Variants in PPP1R1C observed in about 807,000 individuals in gnomAD.
The protein encoded by PPP1R1C is protein phosphatase 1 regulatory inhibitor subunit 1C, also known as protein phosphatase 1 regulatory subunit 1C.
PPP1R1C carries 15 observed loss-of-function variants against 17.4 expected under a neutral mutation model. The observed-to-expected ratio is 0.86, with a 90% CI of 0.58 to 1.33. The LOEUF (loss-of-function observed/expected upper bound fraction) is 1.33. Ranked by LOEUF, PPP1R1C falls within the 40% of genes most tolerant of loss-of-function variation. The probability of loss-of-function intolerance (pLI) is 0.00; values close to 1 mark genes in which losing one functional copy is unlikely to be tolerated. For missense variants in PPP1R1C, 143 were observed against 130.0 expected (o/e 1.10, Z -0.48); for synonymous variants, 35 against 43.1 (o/e 0.81, Z 0.73).
intron 1 of PPP1R1C, among the ~76,000 whole-genome samples, 163 bp downstream of exon 1, chr2:181,986,354 A>G (rs1367579173): frequency 6.6e-6 from 1 of 152,206 alleles, no homozygotes; most frequent in Non-Finnish European, 1.5e-5. Flanking sequence ...TTGTATTTAA[A>G]TTGCATTGGG....
At chr2:182,123,011 C>A (rs1689771828) in intron 5 of PPP1R1C, among the ~76,000 whole-genome samples, 1 of 152,144 alleles carries the variant, frequency 6.6e-6, no homozygotes, top group Non-Finnish European at 1.5e-5. Flanking sequence ...CTCTAGCCCC[C>A]CGCCTTGACA....
chr2:182,084,279 C>T (rs1164506404), intron 4 of PPP1R1C, among the ~76,000 whole-genome samples: 1 of 151,704 alleles, frequency 6.6e-6, no homozygotes, highest in African/African-American at 2.4e-5. Context: ...TAATTAGGTC[C>T]CGTTTATTTA....
At chr2:181,989,608 T>C (rs1205885671) in intron 2 of PPP1R1C, among the ~76,000 whole-genome samples, 2 of 152,184 alleles carry the variant, frequency 1.3e-5, no homozygotes, top group East Asian at 3.9e-4. Context: ...ATTAAGGAAT[T>C]GTACTTAAAT....
intron 4 of PPP1R1C, among the ~76,000 whole-genome samples, chr2:182,099,845 C>G (rs546176501): frequency 6.6e-6 from 1 of 152,208 alleles, no homozygotes; most frequent in South Asian, 2.1e-4. Flanking sequence ...ATGCTTAGGG[C>G]TTTGTAGTAT....
chr2:182,039,038 GT>G (rs1305947777), intron 2 of PPP1R1C, among the ~76,000 whole-genome samples: 1 of 152,158 alleles, frequency 6.6e-6, no homozygotes, highest in Non-Finnish European at 1.5e-5. Flanking sequence ...TTGAGTACGA[GT>G]TTGGAGTAGA....
At chr2:182,080,034 G>A (rs1383385266) in intron 4 of PPP1R1C, among the ~76,000 whole-genome samples, 1 of 152,210 alleles carries the variant, frequency 6.6e-6, no homozygotes, top group Non-Finnish European at 1.5e-5. Flanking sequence ...AAGTGGACAT[G>A]AATTTTTGGA....
At chr2:182,020,132 C>T (rs1331031364) in intron 2 of PPP1R1C, among the ~76,000 whole-genome samples, 1 of 152,192 alleles carries the variant, frequency 6.6e-6, no homozygotes, top group African/African-American at 2.4e-5. Context: ...ATTTAAAGGA[C>T]TACAGTGCCC....
intron 2 of PPP1R1C, among the ~76,000 whole-genome samples, chr2:181,998,897 A>G (rs1685686435): frequency 6.6e-6 from 1 of 152,200 alleles, no homozygotes; most frequent in African/African-American, 2.4e-5. Context: ...AGACCCACTC[A>G]CCATCACATT....
At chr2:182,024,018 T>C (rs1686514569) in intron 2 of PPP1R1C, 1 of 152,178 alleles carries the variant, frequency 6.6e-6, no homozygotes, top group South Asian at 2.1e-4. Flanking sequence ...TTACAGAATA[T>C]GGTAGGAGCA....
chr2:182,071,839 C>T (rs1355652686), intron 4 of PPP1R1C, among the ~76,000 whole-genome samples: 2 of 152,138 alleles, frequency 1.3e-5, no homozygotes, highest in African/African-American at 4.8e-5. Context: ...TCCATTGACT[C>T]CTGTGTCCCA....
intron 2 of PPP1R1C, among the ~76,000 whole-genome samples, chr2:182,028,545 G>A (rs1686701087): frequency 6.6e-6 from 1 of 152,102 alleles, no homozygotes; most frequent in Non-Finnish European, 1.5e-5. Flanking sequence ...TTAATCCTGA[G>A]TTCTAGTTTG....
Position 181,957,216 on chromosome 2 carries a change from C to T in PPP1R1C, n.111+2582C>T, listed in dbSNP as rs572337654. On this transcript the variant is annotated intron_variant and non_coding_transcript_variant, in intron 1 of 5. Transcript: ENST00000464264. This position sits in a 1 kb window ranked among gnomAD's most constrained non-coding sequence, Gnocchi z 4.2. ...CTCTACCAAAAATACAAAAATTAGC[C>T]AGGCATGGTAGTGCACCCCTGTAAT... 1.3e-5 allele frequency among the ~76,000 whole-genome samples: 2 copies of T among 152,216 alleles called. No individual in the cohort carries two copies. The highest frequency in any genetic ancestry group is 1.3e-4 in the Admixed American group (2 of 15,298).
intron 4 of PPP1R1C, among the ~76,000 whole-genome samples, chr2:182,083,779 C>T (rs1394946127): frequency 6.6e-6 from 1 of 152,052 alleles, no homozygotes; most frequent in Non-Finnish European, 1.5e-5. Flanking sequence ...GGGTAGATAA[C>T]CATCAGTGAG....
chr2:182,069,275 T>C (rs1001399283), intron 4 of PPP1R1C, among the ~76,000 whole-genome samples: 13 of 139,330 alleles, frequency 9.3e-5, no homozygotes, highest in Admixed American at 5.8e-4. Context: ...TCTCGCTTTC[T>C]TTTTTTTTTT....
At chr2:182,003,842 GT>G in intron 2 of PPP1R1C, among the ~76,000 whole-genome samples, 1 of 152,078 alleles carries the variant, frequency 6.6e-6, no homozygotes, top group East Asian at 1.9e-4. Flanking sequence ...GAAATAGATT[GT>G]TTCATAAACA....
intron 2 of PPP1R1C, among the ~76,000 whole-genome samples, chr2:182,014,570 C>T (rs888753526): frequency 6.6e-6 from 1 of 152,038 alleles, no homozygotes; most frequent in Non-Finnish European, 1.5e-5. Context: ...ACTCAAGGCC[C>T]AAGGGCTCTT....
In PPP1R1C at chr2:182,126,976, G is replaced by C. The variant is rs1267873386; in HGVS notation, c.*7-1998G>C. 2.0e-5 allele frequency among the ~76,000 whole-genome samples: 3 copies of C among 151,970 alleles called. No individual in the cohort carries two copies. The East Asian group carries it at 5.8e-4, about 29-fold the overall frequency. Reference sequence around the variant, plus strand: ...TACGCTATAAACATGACTTAACAGGGTTTTCCCTTTTCTCTGAATTTCAGT... The same window carrying C: ...TACGCTATAAACATGACTTAACAGGCTTTTCCCTTTTCTCTGAATTTCAGT... On this transcript the variant is annotated intron_variant, in intron 5 of 5. Transcript: ENST00000280295.
intron 4 of PPP1R1C, among the ~76,000 whole-genome samples, chr2:182,086,192 A>G (rs1014487619): frequency 4.6e-5 from 7 of 152,170 alleles, no homozygotes; most frequent in Admixed American, 3.9e-4. Context: ...TGTTATCATC[A>G]TTATATCAAG....
In PPP1R1C at chr2:182,061,468, A is replaced by T. The variant is rs772951743; in HGVS notation, c.169A>T (p.Thr57Ser). Reference sequence around the variant, plus strand: ...AATAGATGACAAGAGGGGGCCCAACACACAAGGGGAAGTAAGTTTTTAAAA... The same window carrying T: ...AATAGATGACAAGAGGGGGCCCAACTCACAAGGGGAAGTAAGTTTTTAAAA... ...PEIDDKRGPNTQGELQNASPK... is the reference protein window; with the variant it reads ...PEIDDKRGPNSQGELQNASPK... The change falls in exon 3 of 5, where the codon ACA (threonine) becomes TCA (serine). Residue 57 changes from threonine to serine, a missense_variant. Coordinates refer to ENST00000682840, the MANE Select transcript of PPP1R1C (RefSeq NM_001080545.3). 6.8e-7 allele frequency: 1 copy of T among 1,468,940 alleles called. No individual in the cohort carries two copies. The highest frequency in any genetic ancestry group is 1.5e-5 in the African/African-American group (1 of 67,398). 91.0% of individuals were successfully genotyped at this position (1,468,940 alleles called of 1,614,324 possible).
Sources: gnomAD v4.1 joint callset for allele counts (sites outside exome capture counted in the v4.1 genomes callset) on GRCh38, gnomAD v4.1.1 for gene constraint, Gnocchi (gnomAD v3.1) non-coding constraint, MANE v1.5 for transcripts, NCBI Gene and HGNC (gene_info 2026-07-23, HGNC 2026-07-21) for gene names.